PPHLN1: variants seen among roughly 807,000 people sequenced by gnomAD.
The protein encoded by PPHLN1 is periphilin-1.
Under a neutral mutation model 51.3 loss-of-function variants are expected in PPHLN1, and 29 were observed. The observed-to-expected ratio is 0.57, with a 90% CI of 0.42 to 0.77. PPHLN1 has a LOEUF of 0.77. PPHLN1 is among the 30% of genes least tolerant of loss of function. The pLI is 0.00. For synonymous variants in PPHLN1, 147 were observed against 147.8 expected, an observed-to-expected ratio of 0.99 and a Z score of 0.04; for missense variants, 436 against 438.4, an observed-to-expected ratio of 0.99 and a Z score of 0.05.
At chr12:42,439,011 A>T (rs1292432407) in intron 9 of PPHLN1, among the ~76,000 whole-genome samples, 1 of 152,194 alleles carries the variant, frequency 6.6e-6, no homozygotes, top group Non-Finnish European at 1.5e-5. Flanking sequence ...CATGCCCTTA[A>T]CAGTGTCTTT....
At chr12:42,430,611 A>T (rs1196141382) in intron 9 of PPHLN1, among the ~76,000 whole-genome samples, 1 of 151,938 alleles carries the variant, frequency 6.6e-6, no homozygotes, top group Non-Finnish European at 1.5e-5. Flanking sequence ...ATTCTGCCCC[A>T]GCCTCCCAAA....
At chr12:42,399,356 T>C (rs1213516527) in intron 9 of PPHLN1, 2 of 858,206 alleles carry the variant, frequency 2.3e-6, no homozygotes, top group East Asian at 1.2e-4. Context: ...ATGTTTCTTA[T>C]GTTTTTTCAT....
chr12:42,381,133 A>C (rs1050841293), intron 5 of PPHLN1, among the ~76,000 whole-genome samples: 2 of 152,208 alleles, frequency 1.3e-5, no homozygotes, highest in African/African-American at 4.8e-5. Flanking sequence ...TTAGGCCATC[A>C]CTTGATCTAG....
chr12:42,412,456 G>A (rs758794551), intron 9 of PPHLN1, among the ~76,000 whole-genome samples: 2 of 151,496 alleles, frequency 1.3e-5, no homozygotes, highest in Admixed American at 6.6e-5. Flanking sequence ...ATAGTATTCC[G>A]TGGTGTATAT....
intron 2 of PPHLN1, chr12:42,347,261 T>G (rs929152851): frequency 6.6e-5 from 10 of 152,156 alleles, no homozygotes; most frequent in Non-Finnish European, 1.3e-4. Context: ...CTGTTTATGG[T>G]CTTTGTCCAT....
chr12:42,330,120 C>A (rs992073394), intron 1 of PPHLN1, among the ~76,000 whole-genome samples: 1 of 152,246 alleles, frequency 6.6e-6, no homozygotes, highest in African/African-American at 2.4e-5. Flanking sequence ...ATTTATGCTT[C>A]TCTCCACCCA....
intron 5 of PPHLN1, chr12:42,375,315 G>GT (rs5797791): frequency 0.1 from 15,611 of 148,958 alleles, 971 homozygotes; most frequent in African/African-American, 0.21. Context: ...CATGTAAAAG[G>GT]TTTTTTTTTT....
At chr12:42,427,411 T>G (rs1592950957) in intron 9 of PPHLN1, among the ~76,000 whole-genome samples, 2 of 152,270 alleles carry the variant, frequency 1.3e-5, no homozygotes, top group East Asian at 3.9e-4. Context: ...GGTACTGGCA[T>G]AAAAACAAGC....
At chr12:42,369,718 C>G (rs2075619116) in intron 4 of PPHLN1, among the ~76,000 whole-genome samples, 1 of 152,180 alleles carries the variant, frequency 6.6e-6, no homozygotes, top group African/African-American at 2.4e-5. Context: ...AACTTTCCCC[C>G]CAACTTACTT....
At chr12:42,432,440 A>G in intron 9 of PPHLN1, 1 of 760,654 alleles carries the variant, frequency 1.3e-6, no homozygotes, top group East Asian at 2.5e-5. Flanking sequence ...AAATGGAATC[A>G]TACTGTCTTC....
In PPHLN1 at chr12:42,374,799, A is replaced by G. The variant is rs1264702443; in HGVS notation, c.300-64A>G. The G allele has an allele frequency of 1.7e-5, 22 of 1,332,692 alleles. No homozygotes were observed. The East Asian group carries it at 2.4e-4, about 14-fold the overall frequency. The allele number at this position is 1,332,692 out of a possible 1,614,324, so 82.6% of individuals were successfully genotyped here. On this transcript the variant is annotated intron_variant, in intron 4 of 9. Coordinates refer to ENST00000358314, the MANE Select transcript of PPHLN1 (RefSeq NM_201439.2). ...GTAGCTTATAAGCAGAGCTTTTGCC[A>G]TTGTGCTTGTATATAGAGGATAGAG...
intron 3 of PPHLN1, among the ~76,000 whole-genome samples, chr12:42,354,502 G>A (rs1476678700): frequency 2.6e-5 from 4 of 152,128 alleles, no homozygotes; most frequent in African/African-American, 4.8e-5. Context: ...GAGCCACTGC[G>A]CCTGGCCAAT....
At chr12:42,393,192 C>T (rs2077888079) in intron 7 of PPHLN1, among the ~76,000 whole-genome samples, 1 of 152,168 alleles carries the variant, frequency 6.6e-6, no homozygotes, top group Non-Finnish European at 1.5e-5. Flanking sequence ...GTTTGCTTTA[C>T]TGAAATTTAG....
chr12:42,430,419 T>C (rs1334141161), intron 9 of PPHLN1, among the ~76,000 whole-genome samples: 1 of 152,240 alleles, frequency 6.6e-6, no homozygotes, highest in Non-Finnish European at 1.5e-5. Context: ...TAGTCTGCTG[T>C]TGACCTATCA....
intron 9 of PPHLN1, among the ~76,000 whole-genome samples, chr12:42,412,825 G>A (rs2079996177): frequency 6.6e-6 from 1 of 151,826 alleles, no homozygotes; most frequent in South Asian, 2.1e-4. Context: ...TCCTGGCTAG[G>A]GTAATGTGGT....
rs1022321999 is a variant in PPHLN1 at position 42,368,907 on chromosome 12, G to A, written c.300-5956G>A. On this transcript the variant is annotated intron_variant, in intron 4 of 9. Transcript: ENST00000358314. ...TTTCTTGATATTCTGTGGGAAATAT[G>A]AAGCTGTAGGTAGCCTCTTTCTTCT... 2.0e-5 allele frequency among the ~76,000 whole-genome samples: 3 copies of A among 152,300 alleles called. No individual in the cohort carries two copies. In the East Asian group the frequency reaches 5.8e-4, roughly 29 times the overall value.
chr12:42,435,496 AC>A (rs1459725326), intron 9 of PPHLN1, among the ~76,000 whole-genome samples: 5 of 152,218 alleles, frequency 3.3e-5, no homozygotes, highest in African/African-American at 7.2e-5. Flanking sequence ...AACATAGATT[AC>A]AATAGTTTTG....
At chr12:42,367,484 T>C (rs1592450937) in intron 4 of PPHLN1, among the ~76,000 whole-genome samples, 2 of 152,302 alleles carry the variant, frequency 1.3e-5, no homozygotes, top group Admixed American at 1.3e-4. Context: ...TCTTACCTTA[T>C]ATCTAAACAA....
intron 9 of PPHLN1, among the ~76,000 whole-genome samples, chr12:42,421,324 G>A (rs989308649): frequency 2.0e-5 from 3 of 151,898 alleles, no homozygotes; most frequent in Non-Finnish European, 4.4e-5. Flanking sequence ...AAGACTCTGT[G>A]AAAACTATCT....
Sources: allele counts gnomAD v4.1 joint callset (sites outside exome capture counted in the v4.1 genomes callset), GRCh38; gene constraint gnomAD v4.1.1; transcripts MANE v1.5; gene names NCBI Gene and HGNC (gene_info 2026-07-23, HGNC 2026-07-21).